The following UGT2A2 variants were observed in gnomAD, a reference collection of about 807,000 sequenced individuals.
The protein encoded by UGT2A2 is UDP-glucuronosyltransferase 2A2.
In UGT2A2, 60 loss-of-function variants were observed where a neutral mutation model predicts 50.7. That is an observed-to-expected ratio of 1.18 (90% CI 0.96 to 1.47). UGT2A2 has a LOEUF of 1.47. UGT2A2 is among the 40% of genes most tolerant of loss of function. The pLI, the probability that UGT2A2 is intolerant of heterozygous loss-of-function variation, is 0.00. For synonymous variants in UGT2A2, 242 were observed against 214.6 expected (o/e 1.13, Z -1.11); for missense variants, 762 against 634.0 (o/e 1.20, Z -2.17).
intron 1 of UGT2A2, among the ~76,000 whole-genome samples, chr4:69,631,918 CAG>C (rs901381015): frequency 2.9e-4 from 44 of 152,128 alleles, no homozygotes; most frequent in African/African-American, 1.0e-3. Flanking sequence ...CAAGAAAAGA[CAG>C]AAAATATCTA....
intron 1 of UGT2A2, among the ~76,000 whole-genome samples, chr4:69,625,295 T>C (rs1720988455): frequency 6.6e-6 from 1 of 151,096 alleles, no homozygotes; most frequent in Non-Finnish European, 1.5e-5. Context: ...ACTTGGTTAA[T>C]TGAACTTCTT....
chr4:69,625,804 A>G (rs1230118567), intron 1 of UGT2A2, among the ~76,000 whole-genome samples: 3 of 151,592 alleles, frequency 2.0e-5, no homozygotes, highest in Non-Finnish European at 3.0e-5. Flanking sequence ...AAAAATCAAT[A>G]AACAAATATT....
At chr4:69,593,985 T>G (rs7677083) in intron 5 of UGT2A2, among the ~76,000 whole-genome samples, 23,813 of 147,726 alleles carry the variant, frequency 0.16, 2,572 homozygotes, top group Non-Finnish European at 0.2. Context: ...TTGTTTGTTT[T>G]TTTTTTTGAG....
rs529512398 is a variant in UGT2A2 at position 69,601,790 on chromosome 4, C to A, written c.743-2396G>T. ...ACAGGTCATATCACTGGATCCCTTG[C>A]AGACATTCCCTAGCACCAGTCTGGG... On this transcript the variant is annotated intron_variant, in intron 1 of 5. Coordinates refer to ENST00000604629, the MANE Select transcript of UGT2A2 (RefSeq NM_001105677.2). Among the ~76,000 whole-genome samples the A allele has an allele frequency of 1.9e-3, 179 of 92,032 alleles. 33 individuals are homozygous for A. The highest frequency in any genetic ancestry group is 2.3e-3 in the Non-Finnish European group (106 of 45,624). The allele number at this position is 92,032 out of a possible 152,430, so 60.4% of individuals were successfully genotyped here.
At chr4:69,609,887 A>T (rs1443958780) in intron 1 of UGT2A2, among the ~76,000 whole-genome samples, 2 of 152,184 alleles carry the variant, frequency 1.3e-5, no homozygotes, top group African/African-American at 2.4e-5. Context: ...GGGGAAAAAT[A>T]AAAAGGAAAT....
chr4:69,634,688 C>G (rs138141630), intron 1 of UGT2A2, among the ~76,000 whole-genome samples: 142 of 151,884 alleles, frequency 9.3e-4, no homozygotes, highest in African/African-American at 3.3e-3. Context: ...TGAATAGATG[C>G]AGAAAAACAT....
chr4:69,639,028 C>A lies in UGT2A2; in HGVS notation c.613G>T (p.Ala205Ser), dbSNP rs770118934. Residue 205 changes from alanine (A) to serine (S), a missense_variant, in exon 1 of 6, where the codon GCC becomes TCC. Transcript: ENST00000604629. ...IPAPVSYVPA[A>S]LSELTDQMTF... ...ATCTGGTCAGTGAGCTCTGATAAGGCTGCCGGTACATAGGAGACTGGTGCT... is the reference window on the plus strand; with the variant it reads ...ATCTGGTCAGTGAGCTCTGATAAGGATGCCGGTACATAGGAGACTGGTGCT... The A allele has an allele frequency of 1.2e-6, 2 of 1,613,358 alleles. No individual in the cohort carries two copies.
At chr4:69,621,225 G>C (rs951287840) in intron 1 of UGT2A2, among the ~76,000 whole-genome samples, 1 of 152,012 alleles carries the variant, frequency 6.6e-6, no homozygotes, top group Non-Finnish European at 1.5e-5. Flanking sequence ...TACAGAATGA[G>C]AGAAAATATT....
intron 1 of UGT2A2, among the ~76,000 whole-genome samples, chr4:69,621,925 A>G (rs1370657015): frequency 6.6e-6 from 1 of 151,888 alleles, no homozygotes; most frequent in East Asian, 1.9e-4. Context: ...CAAATACCAC[A>G]TTCTCTCACT....
At chr4:69,594,242 AG>A in intron 5 of UGT2A2, among the ~76,000 whole-genome samples, 1 of 152,200 alleles carries the variant, frequency 6.6e-6, no homozygotes, top group East Asian at 1.9e-4. Flanking sequence ...CCAAAGTGCT[AG>A]GATTACAAGC....
chr4:69,624,236 AT>A (rs1160836020), intron 1 of UGT2A2, among the ~76,000 whole-genome samples: 9 of 151,494 alleles, frequency 5.9e-5, no homozygotes, highest in African/African-American at 2.2e-4. Context: ...AATGACCTTT[AT>A]TCTCATAATA....
intron 1 of UGT2A2, among the ~76,000 whole-genome samples, chr4:69,611,959 A>C (rs1250352763): frequency 6.6e-6 from 1 of 152,148 alleles, no homozygotes; most frequent in African/African-American, 2.4e-5. Context: ...TATAGCAAGA[A>C]AAATTTCCTC....
chr4:69,598,791 T>A (rs1487666310), intron 2 of UGT2A2, among the ~76,000 whole-genome samples: 1 of 152,140 alleles, frequency 6.6e-6, no homozygotes, highest in Non-Finnish European at 1.5e-5. Flanking sequence ...CTAAGAGCCC[T>A]GCCTTATTTC....
chr4:69,608,972 A>G (rs1200203182), intron 1 of UGT2A2, among the ~76,000 whole-genome samples: 1 of 152,164 alleles, frequency 6.6e-6, no homozygotes, highest in Non-Finnish European at 1.5e-5. Context: ...TCATAGTAGA[A>G]AAGGATTTCC....
chr4:69,632,361 C>A (rs1721434892), intron 1 of UGT2A2, among the ~76,000 whole-genome samples: 1 of 151,956 alleles, frequency 6.6e-6, no homozygotes, highest in Non-Finnish European at 1.5e-5. Flanking sequence ...TAGGGAAATT[C>A]TTTTTTAGTT....
chr4:69,634,812 C>T lies in UGT2A2; in HGVS notation c.742+4087G>A, dbSNP rs560753993. On this transcript the variant is annotated intron_variant, in intron 1 of 5. Coordinates refer to ENST00000604629, the MANE Select transcript of UGT2A2 (RefSeq NM_001105677.2). ...AAATTAGCCTACAGCAAACATCACC[C>T]TTAATGGTAAACAATGCATGATTTT... is the stretch of plus-strand genomic sequence containing the variant. 3.3e-5 allele frequency among the ~76,000 whole-genome samples: 5 copies of T among 152,208 alleles called. No homozygotes were observed. The South Asian group carries it at 1.0e-3, about 32-fold the overall frequency.
chr4:69,596,494 CTGT>C, intron 2 of UGT2A2, 113 bp from the exon 3 acceptor site: 1 of 1,315,950 alleles, frequency 7.6e-7, no homozygotes, highest in South Asian at 2.2e-5. Flanking sequence ...AACTGTTGAA[CTGT>C]CTGTCTTCTG....
chr4:69,589,950 G>T (rs1196961644), intron 5 of UGT2A2, among the ~76,000 whole-genome samples: 1 of 152,172 alleles, frequency 6.6e-6, no homozygotes, highest in African/African-American at 2.4e-5. Context: ...TACTGTGTGA[G>T]CTATACTGTA....
chr4:69,622,430 T>C (rs1267560275), intron 1 of UGT2A2, among the ~76,000 whole-genome samples: 1 of 151,784 alleles, frequency 6.6e-6, no homozygotes, highest in Non-Finnish European at 1.5e-5. Context: ...AATTCTTAAC[T>C]ACATAGAAAG....
Sources: gnomAD v4.1 joint callset for allele counts (sites outside exome capture counted in the v4.1 genomes callset) on GRCh38, gnomAD v4.1.1 for gene constraint, MANE v1.5 for transcripts, NCBI Gene and HGNC (gene_info 2026-07-23, HGNC 2026-07-21) for gene names.